The following ABTB3 variants were observed in gnomAD, a reference collection of about 807,000 sequenced individuals.
ABTB3 encodes ankyrin repeat- and BTB/POZ domain-containing protein 3.
At chr12:107,359,023 T>C in the ABTB3 span, among the ~76,000 whole-genome samples, 109,290 of 152,218 alleles carry the variant, frequency 0.72, 39,847 homozygotes, top group African/African-American at 0.85. Context: ...TTCTGGCAGG[T>C]TGCGGGCAGC....
At chr12:107,349,319 G>A in the ABTB3 span, among the ~76,000 whole-genome samples, 1 of 152,210 alleles carries the variant, frequency 6.6e-6, no homozygotes, top group East Asian at 1.9e-4. Flanking sequence ...GAGGAGGAAT[G>A]TGGGGCGGCA....
chr12:107,658,089 T>C, the ABTB3 span: 5 of 216,584 alleles, frequency 2.3e-5, no homozygotes, highest in Non-Finnish European at 4.7e-5. Flanking sequence ...AGAGATTGTA[T>C]TACACATTAA....
At chr12:107,332,854 A>T in the ABTB3 span, among the ~76,000 whole-genome samples, 1 of 152,190 alleles carries the variant, frequency 6.6e-6, no homozygotes, top group Non-Finnish European at 1.5e-5. Flanking sequence ...GCCACTGCTG[A>T]GCTTCCCAGA....
At chr12:107,448,446 C>A in the ABTB3 span, among the ~76,000 whole-genome samples, 4 of 152,128 alleles carry the variant, frequency 2.6e-5, no homozygotes, top group South Asian at 8.3e-4. Context: ...ACTCCAGCCA[C>A]TGAAAATGAT....
At chr12:107,515,481 G>A in the ABTB3 span, among the ~76,000 whole-genome samples, 1 of 152,196 alleles carries the variant, frequency 6.6e-6, no homozygotes. Context: ...AGTGGGTCAT[G>A]ATTATATGGC....
chr12:107,346,167 G>C, the ABTB3 span, among the ~76,000 whole-genome samples: 1 of 152,208 alleles, frequency 6.6e-6, no homozygotes, highest in Non-Finnish European at 1.5e-5. Flanking sequence ...AAAACAGCAT[G>C]CTCCTGATTA....
the ABTB3 span, among the ~76,000 whole-genome samples, chr12:107,366,744 T>C: frequency 6.6e-6 from 1 of 152,204 alleles, no homozygotes; most frequent in Non-Finnish European, 1.5e-5. Flanking sequence ...TGAGTCTATA[T>C]TGGTACCCTA....
chr12:107,496,052 T>C, the ABTB3 span, among the ~76,000 whole-genome samples: 7 of 152,206 alleles, frequency 4.6e-5, no homozygotes, highest in South Asian at 1.0e-3. Flanking sequence ...CCATTATTAC[T>C]ATCGCTATCA....
chr12:107,484,751 G>T, the ABTB3 span, among the ~76,000 whole-genome samples: 1 of 152,184 alleles, frequency 6.6e-6, no homozygotes, highest in African/African-American at 2.4e-5. Context: ...TCAGGACCAG[G>T]TGCTACTTCT....
At chr12:107,622,380 T>A in the ABTB3 span, among the ~76,000 whole-genome samples, 1 of 152,208 alleles carries the variant, frequency 6.6e-6, no homozygotes, top group African/African-American at 2.4e-5. Context: ...GAAGACAGTC[T>A]CCTGTCGGAC....
chr12:107,393,353 G>A, the ABTB3 span, among the ~76,000 whole-genome samples: 1 of 152,044 alleles, frequency 6.6e-6, no homozygotes, highest in East Asian at 1.9e-4. Flanking sequence ...GTGGGGGTGT[G>A]CTAGGGAGAG....
chr12:107,525,939 G>A, the ABTB3 span, among the ~76,000 whole-genome samples: 1 of 152,136 alleles, frequency 6.6e-6, no homozygotes, highest in Admixed American at 6.6e-5. Flanking sequence ...CTTGCCCAAG[G>A]CCACTCAGCT....
At chr12:107,648,473 G>A in the ABTB3 span, among the ~76,000 whole-genome samples, 4 of 151,382 alleles carry the variant, frequency 2.6e-5, no homozygotes. Flanking sequence ...ACACCCAGTT[G>A]TCCTAGGAGA....
the ABTB3 span, among the ~76,000 whole-genome samples, chr12:107,451,793 C>G: frequency 2.6e-5 from 4 of 152,146 alleles, no homozygotes; most frequent in Non-Finnish European, 5.9e-5. Flanking sequence ...CCCGTTTGCC[C>G]TTTGAGACAC....
chr12:107,368,549 T>C, the ABTB3 span, among the ~76,000 whole-genome samples: 1 of 152,218 alleles, frequency 6.6e-6, no homozygotes, highest in Admixed American at 6.5e-5. Context: ...ATGTTGTCAT[T>C]ATGGGAACAA....
chr12:107,366,289 A>G, the ABTB3 span, among the ~76,000 whole-genome samples: 1 of 152,236 alleles, frequency 6.6e-6, no homozygotes, highest in Non-Finnish European at 1.5e-5. Flanking sequence ...CCTTGAAAAC[A>G]ACTATTTTCC....
chr12:107,528,771 G>A, the ABTB3 span, among the ~76,000 whole-genome samples: 9 of 152,182 alleles, frequency 5.9e-5, no homozygotes, highest in South Asian at 6.2e-4. Context: ...TGCTGCTGCC[G>A]TTGGTGATGA....
the ABTB3 span, among the ~76,000 whole-genome samples, chr12:107,510,499 C>T: frequency 2.6e-5 from 4 of 152,064 alleles, no homozygotes; most frequent in African/African-American, 9.7e-5. Context: ...ATAGACAACA[C>T]ATTAACAGAT....
chr12:107,483,194 AT>A, the ABTB3 span, among the ~76,000 whole-genome samples: 1 of 151,682 alleles, frequency 6.6e-6, no homozygotes, highest in African/African-American at 2.4e-5. Context: ...CGCCCCACTA[AT>A]TTTGAAGGGA....
Sources: allele counts gnomAD v4.1 joint callset (sites outside exome capture counted in the v4.1 genomes callset), GRCh38; gene constraint gnomAD v4.1.1; transcripts MANE v1.5; gene names NCBI Gene and HGNC (gene_info 2026-07-23, HGNC 2026-07-21).